The following MITD1 variants were observed in gnomAD, a reference collection of about 807,000 sequenced individuals.
MITD1 encodes microtubule interacting and trafficking domain containing 1, also known as MIT domain-containing protein 1.
In MITD1, 24 loss-of-function variants were observed where a neutral mutation model predicts 34.9. The observed-to-expected ratio is 0.69, with a 90% CI of 0.50 to 0.97. MITD1 has a LOEUF of 0.97. MITD1 is among the 50% of genes least tolerant of loss of function. MITD1 has a pLI of 0.00. For missense variants in MITD1, 266 were observed against 294.6 expected (o/e 0.90, Z 0.71); for synonymous variants, 102 against 101.4 (o/e 1.01, Z -0.04).
At chr2:99,178,288 A>C (rs1396292687) in intron 1 of MITD1, 2 of 152,098 alleles carry the variant, frequency 1.3e-5, no homozygotes, top group Non-Finnish European at 2.9e-5. Flanking sequence ...GGCTATACAC[A>C]CCTCTTATTT....
At chr2:99,178,617 G>C (rs537851515) in intron 1 of MITD1, among the ~76,000 whole-genome samples, 1 of 152,280 alleles carries the variant, frequency 6.6e-6, no homozygotes, top group Admixed American at 6.5e-5. Flanking sequence ...TTACACTGGA[G>C]GTCTGGGAAA....
At chr2:99,165,638 A>G (rs2093823699), downstream of MITD1, among the ~76,000 whole-genome samples, 1 of 152,164 alleles carries the variant, frequency 6.6e-6, no homozygotes, top group Non-Finnish European at 1.5e-5. Flanking sequence ...AAACTATTAA[A>G]TATTCAGCAT....
chr2:99,169,254 A>T, downstream of MITD1: 1 of 570,370 alleles, frequency 1.8e-6, no homozygotes, highest in Non-Finnish European at 3.1e-6. Context: ...TGAATGATGG[A>T]TCCATAAATT....
chr2:99,166,005 T>C (rs2093825157), downstream of MITD1, among the ~76,000 whole-genome samples: 1 of 152,164 alleles, frequency 6.6e-6, no homozygotes, highest in Non-Finnish European at 1.5e-5. Flanking sequence ...GTCATCTGAT[T>C]AGTTCTGGGT....
At chr2:99,168,784 C>T (rs994315399), downstream of MITD1, among the ~76,000 whole-genome samples, 2 of 151,424 alleles carry the variant, frequency 1.3e-5, no homozygotes, top group Admixed American at 6.6e-5. Context: ...CCATCTGTCT[C>T]TTTTTTTTCT....
At chr2:99,171,780 T>C (rs1466501578) in intron 2 of MITD1, 134 bp from the exon 3 acceptor site, 1 of 799,734 alleles carries the variant, frequency 1.3e-6, no homozygotes, top group Non-Finnish European at 1.9e-6. Flanking sequence ...ACTTATTGAA[T>C]GCCTACTAAA....
chr2:99,162,778 G>A, intron 7 of MITD1: 1 of 1,614,024 alleles, frequency 6.2e-7, no homozygotes, highest in Non-Finnish European at 8.5e-7. Flanking sequence ...TGGATATATG[G>A]CAAAACTCCA....
In MITD1 at chr2:99,171,620, T is replaced by C; in HGVS notation, c.280A>G (p.Ile94Val). Residue 94 changes from isoleucine (I) to valine (V), a missense_variant, in exon 3 of 7, where the codon ATA becomes GTA. Transcript: ENST00000289359. ...EDGKYHKQIK[I>V]EENATGFSYE... ...CTGAAACCTGTTGCATTCTCTTCTATTTTAATTTGCTTGTGATATTTTCCA... is the reference window on the plus strand; with the variant it reads ...CTGAAACCTGTTGCATTCTCTTCTACTTTAATTTGCTTGTGATATTTTCCA... The C allele has an allele frequency of 6.2e-7, 1 of 1,613,462 alleles. No homozygotes were observed. The highest frequency in any genetic ancestry group is 2.2e-5 in the East Asian group (1 of 44,764).
chr2:99,164,608 G>T (rs1195299939), downstream of MITD1, among the ~76,000 whole-genome samples: 1 of 152,148 alleles, frequency 6.6e-6, no homozygotes, highest in Non-Finnish European at 1.5e-5. Context: ...ATCTCAGACT[G>T]GGGGTAGGGT....
chr2:99,177,608 A>T (rs1034524702), intron 1 of MITD1, among the ~76,000 whole-genome samples: 10 of 152,126 alleles, frequency 6.6e-5, no homozygotes, highest in African/African-American at 2.4e-4. Flanking sequence ...CATACAACAC[A>T]TTATTAACTC....
intron 4 of MITD1, chr2:99,171,035 G>A: frequency 6.8e-6 from 2 of 295,666 alleles, no homozygotes; most frequent in Non-Finnish European, 6.4e-6. Flanking sequence ...CCATCCCCCA[G>A]ATATAATAAT....
At chr2:99,163,887 C>T (rs1329093510) in intron 7 of MITD1, among the ~76,000 whole-genome samples, 1 of 152,138 alleles carries the variant, frequency 6.6e-6, no homozygotes, top group Non-Finnish European at 1.5e-5. Context: ...AAGCTCTTAA[C>T]CCTTCCCTAA....
At chr2:99,171,756 C>T (rs1044774647) in intron 2 of MITD1, 110 bp from the exon 3 acceptor site, 2 of 1,036,736 alleles carry the variant, frequency 1.9e-6, no homozygotes, top group African/African-American at 3.2e-5. Flanking sequence ...ATTTTTTTAA[C>T]TTATTCAGCA....
chr2:99,177,215 C>T (rs2093892797), intron 1 of MITD1, among the ~76,000 whole-genome samples: 1 of 152,194 alleles, frequency 6.6e-6, no homozygotes, highest in South Asian at 2.1e-4. Flanking sequence ...CCTTGATCAG[C>T]TGGCAGTGTC....
In MITD1 at chr2:99,170,660, T is replaced by C. The variant is rs777795169; in HGVS notation, c.478-8A>G. On this transcript the variant is annotated splice_polypyrimidine_tract_variant and splice_region_variant and intron_variant, in intron 4 of 6. Coordinates refer to ENST00000289359, the MANE Select transcript of MITD1 (RefSeq NM_138798.3). ...CTGCACTTGCTCAATGCCCTGTTAA[T>C]AGCAAAAATACGATTATCTGCCGCA... 5 of 1,358,112 alleles carry C rather than the reference T, an allele frequency of 3.7e-6. No homozygotes were observed. In the East Asian group the frequency reaches 6.9e-5, roughly 19 times the overall value. The allele number at this position is 1,358,112 out of a possible 1,614,324, so 84.1% of individuals were successfully genotyped here.
chr2:99,162,335 A>G (rs2093800907), intron 7 of MITD1: 1 of 1,613,492 alleles, frequency 6.2e-7, no homozygotes, highest in African/African-American at 1.3e-5. Flanking sequence ...AGTATGATAG[A>G]ATGGAAAATC....
At chr2:99,180,159 A>C (rs1478451736) in intron 1 of MITD1, among the ~76,000 whole-genome samples, 1 of 152,172 alleles carries the variant, frequency 6.6e-6, no homozygotes, top group Non-Finnish European at 1.5e-5. Context: ...AACCCTGCGC[A>C]TTTCTCACAC....
chr2:99,180,556 CT>C (rs2093912224), intron 1 of MITD1, among the ~76,000 whole-genome samples: 1 of 152,204 alleles, frequency 6.6e-6, no homozygotes, highest in African/African-American at 2.4e-5. Context: ...AACCCAGGTC[CT>C]ATCAAAGCTT....
At chr2:99,170,694 TA>T in intron 4 of MITD1, 42 bp from the exon 5 acceptor site, 1 of 944,824 alleles carries the variant, frequency 1.1e-6, no homozygotes, top group Non-Finnish European at 1.7e-6. Flanking sequence ...CAGTTATTAT[TA>T]CTATCTTAAA....
Sources: allele counts gnomAD v4.1 joint callset (sites outside exome capture counted in the v4.1 genomes callset), GRCh38; gene constraint gnomAD v4.1.1; transcripts MANE v1.5; gene names NCBI Gene and HGNC (gene_info 2026-07-23, HGNC 2026-07-21).